DNAH14: variants seen among roughly 807,000 people sequenced by gnomAD.
DNAH14 encodes axonemal beta dynein heavy chain 14.
Under a neutral mutation model 520.9 loss-of-function variants are expected in DNAH14, and 478 were observed. The ratio of observed to expected loss-of-function variants is 0.92; its 90% CI spans 0.85 to 0.99. The LOEUF is 0.99. Ranked by LOEUF, DNAH14 falls within the 50% of genes least tolerant of loss-of-function variation. The probability of loss-of-function intolerance (pLI) is 0.00; values close to 1 mark genes in which losing one functional copy is unlikely to be tolerated. For synonymous variants in DNAH14, 1,581 were observed against 1,757.2 expected (o/e 0.90, Z 2.51); for missense variants, 4,831 against 5,234.5 (o/e 0.92, Z 2.38).
intron 34 of DNAH14, among the ~76,000 whole-genome samples, chr1:225,157,956 G>A (rs73135007): frequency 0.013 from 1,984 of 152,236 alleles, 38 homozygotes; most frequent in African/African-American, 0.045. Context: ...ACAGATAGGA[G>A]GAATTTTTTC....
chr1:225,150,547 G>A (rs1272803941), intron 31 of DNAH14, among the ~76,000 whole-genome samples: 1 of 152,054 alleles, frequency 6.6e-6, no homozygotes, highest in African/African-American at 2.4e-5. Context: ...TTGGTTGGTA[G>A]GCTATTTATT....
At chr1:225,276,579 C>G (rs751162636) in intron 53 of DNAH14, among the ~76,000 whole-genome samples, 16 of 152,094 alleles carry the variant, frequency 1.1e-4, no homozygotes, top group Admixed American at 1.3e-4. Flanking sequence ...TACCACTTAT[C>G]CTACTTGCCA....
chr1:225,118,185 A>G (rs2077015430), intron 25 of DNAH14, 186 bp downstream of exon 25: 6 of 620,558 alleles, frequency 9.7e-6, no homozygotes, highest in Non-Finnish European at 1.7e-5. Context: ...CTTTGCTCTA[A>G]TTAAAAGTTG....
chr1:225,100,939 G>C, intron 23 of DNAH14, 55 bp downstream of exon 23: 1 of 1,350,606 alleles, frequency 7.4e-7, no homozygotes, highest in African/African-American at 1.5e-5. Context: ...TAAAGTAAAA[G>C]TGATATAATG....
chr1:225,067,559 C>T (rs2071045966), intron 17 of DNAH14, among the ~76,000 whole-genome samples: 1 of 152,084 alleles, frequency 6.6e-6, no homozygotes, highest in South Asian at 2.1e-4. Flanking sequence ...TCTACAATGG[C>T]TGAACTAATT....
intron 36 of DNAH14, among the ~76,000 whole-genome samples, chr1:225,169,904 G>C (rs957863366): frequency 2.6e-5 from 4 of 152,214 alleles, no homozygotes; most frequent in African/African-American, 7.2e-5. Flanking sequence ...AAGCCCATCA[G>C]ACTAACAGCA....
intron 77 of DNAH14, among the ~76,000 whole-genome samples, chr1:225,369,416 T>C (rs2095590714): frequency 6.6e-6 from 1 of 151,906 alleles, no homozygotes; most frequent in African/African-American, 2.4e-5. Context: ...AATGGCAATA[T>C]TAATATTAGT....
rs1432221383 is a variant in DNAH14, at chr1:225,273,047, T to C, written c.7932T>C (p.Phe2644=). 1.3e-6 allele frequency: 2 copies of C among 1,551,674 alleles called. No homozygotes were observed. Residue 2644 remains phenylalanine, a synonymous_variant, in exon 52 of 86, where the codon TTT becomes TTC. Coordinates refer to ENST00000682510, the MANE Select transcript of DNAH14 (RefSeq NM_001367479.1). ...LLFVHEATRV[F]HDRLIDFTDK... Reference sequence around the variant, plus strand: ...TTGTTCATGAAGCCACCCGAGTATTTCACGATCGCTTAATTGATTTCACTG... The same window carrying C: ...TTGTTCATGAAGCCACCCGAGTATTCCACGATCGCTTAATTGATTTCACTG...
At chr1:225,069,392 T>A (rs2071284051) in intron 17 of DNAH14, among the ~76,000 whole-genome samples, 1 of 152,214 alleles carries the variant, frequency 6.6e-6, no homozygotes, top group Admixed American at 6.5e-5. Flanking sequence ...CAATACCTAA[T>A]TTATTGAGAG....
At chr1:224,931,604 T>C (rs939618922) in intron 1 of DNAH14, among the ~76,000 whole-genome samples, 5 of 152,202 alleles carry the variant, frequency 3.3e-5, no homozygotes, top group African/African-American at 1.2e-4. Flanking sequence ...TCTCAGTCCG[T>C]GTTATCTATT....
intron 25 of DNAH14, 93 bp downstream of exon 25, chr1:225,118,092 T>G: frequency 5.5e-5 from 50 of 908,508 alleles, no homozygotes; most frequent in Non-Finnish European, 7.7e-5. Context: ...AAAAGTGCGC[T>G]AAGCAAACTG....
intron 26 of DNAH14, among the ~76,000 whole-genome samples, chr1:225,120,892 T>C (rs566867685): frequency 3.7e-4 from 56 of 152,328 alleles, no homozygotes; most frequent in African/African-American, 1.3e-3. Flanking sequence ...GTCCTATCTC[T>C]TCCTTTGCAA....
intron 11 of DNAH14, among the ~76,000 whole-genome samples, chr1:225,036,963 A>G (rs748950253): frequency 1.3e-5 from 2 of 152,180 alleles, no homozygotes; most frequent in Non-Finnish European, 2.9e-5. Flanking sequence ...TGACCACTTT[A>G]TCATTATATA....
In DNAH14 at chr1:224,964,620, A is replaced by G. The variant is rs368691646; in HGVS notation, c.498+11A>G. The G allele has an allele frequency of 3.3e-5, 50 of 1,514,452 alleles. No individual in the cohort carries two copies. The African/African-American group carries it at 6.5e-4, about 20-fold the overall frequency. 93.8% of individuals were successfully genotyped at this position (1,514,452 alleles called of 1,614,324 possible). ...AAGATTACTTTAAAGGTATTGTTCT[A>G]TTTTATTTAATTTTGATCTTTAAAA... On this transcript the variant is annotated intron_variant, in intron 5 of 85. Transcript: ENST00000682510.
Position 225,337,348 on chromosome 1 carries a change from G to T in DNAH14, c.10163G>T (p.Trp3388Leu). The change falls in exon 67 of 86, where the codon TGG becomes TTG. Residue 3388 changes from tryptophan to leucine, a missense_variant. By Grantham distance (61) the Trp-to-Leu change is moderately conservative (BLOSUM62 -2). Coordinates refer to ENST00000682510, the MANE Select transcript of DNAH14 (RefSeq NM_001367479.1). ...NAILIKNGQQ[W>L]PLLIDPHRQA... The stretch of plus-strand genomic sequence containing the variant: ...ATCTTGATCAAGAATGGCCAGCAGT[G>T]GCCACTGCTGATTGACCCACATAGG... 1 of 1,551,622 alleles carries T rather than the reference G, an allele frequency of 6.4e-7. No individual in the cohort carries two copies. Among genetic ancestry groups the T allele is most frequent in the Non-Finnish European group, 8.7e-7 (1 of 1,146,972 alleles).
chr1:225,307,467 C>T lies in DNAH14; in HGVS notation c.9012C>T (p.Arg3004=), dbSNP rs2094270463. The part of the protein sequence containing the change: ...REEEMQTKRD[R]FHMGLSTILE... ...ATACTTTTTCTTCCTTCAGGGATCG[C>T]TTCCATATGGGTCTATCCACAATCC... The change falls in exon 59 of 86, where the codon CGC becomes CGT. Residue 3004 remains arginine (R), a synonymous_variant. Transcript: ENST00000682510. The T allele has an allele frequency of 6.5e-7, 1 of 1,536,160 alleles. No homozygotes were observed.
In DNAH14 at chr1:225,043,034, A is replaced by G; in HGVS notation, c.1688A>G (p.Lys563Arg). The G allele has an allele frequency of 6.4e-7, 1 of 1,551,774 alleles. No individual in the cohort carries two copies. Among genetic ancestry groups the G allele is most frequent in the South Asian group, 1.2e-5 (1 of 84,062 alleles). ...TCAGAAAATAAAGACAATTGTGTCA[A>G]AAAACACTCAAGTGAAGAATTGCTC... ...EMSENKDNCVKKHSSEELLPK... is the reference protein window; with the variant it reads ...EMSENKDNCVRKHSSEELLPK... The change falls in exon 13 of 86, where the codon AAA (lysine) becomes AGA (arginine). Residue 563 changes from lysine (K) to arginine (R), a missense_variant. Coordinates refer to ENST00000682510, the MANE Select transcript of DNAH14 (RefSeq NM_001367479.1).
In DNAH14 at chr1:225,333,290, G is replaced by A. The variant is rs1316048359; in HGVS notation, c.9865-1G>A. 19 of 1,548,200 alleles carry A rather than the reference G, an allele frequency of 1.2e-5. No homozygotes were observed. The highest frequency in any genetic ancestry group is 3.3e-4 in the Middle Eastern group (2 of 5,986). ...TAACTCATTTCTATTTTAACATTTAGACTCGATGGCAAGAAACAATCAATC... is the reference window on the plus strand; with the variant it reads ...TAACTCATTTCTATTTTAACATTTAAACTCGATGGCAAGAAACAATCAATC... On this transcript the variant is annotated splice_acceptor_variant, in intron 65 of 85. Coordinates refer to ENST00000682510, the MANE Select transcript of DNAH14 (RefSeq NM_001367479.1). LOFTEE classifies it high-confidence loss of function.
rs1445686378 is a variant in DNAH14 at position 225,290,643 on chromosome 1, GTGTGTATA to G, written c.8469+563_8469+570del. On this transcript the variant is annotated intron_variant, in intron 55 of 85. Coordinates refer to ENST00000682510, the MANE Select transcript of DNAH14 (RefSeq NM_001367479.1). ...TGTGTATAGATATATGTGTGTGTGT[GTGTGTATA>G]TATATATATATATATATATATATAT... 6.9e-3 allele frequency among the ~76,000 whole-genome samples: 350 copies of G among 51,026 alleles called. 2 individuals are homozygous for G. Among genetic ancestry groups the G allele is most frequent in the South Asian group, 0.017 (20 of 1,202 alleles). The allele number at this position is 51,026 out of a possible 152,430, so 33.5% of individuals were successfully genotyped here.
Sources: gnomAD v4.1 joint callset for allele counts (sites outside exome capture counted in the v4.1 genomes callset) on GRCh38, gnomAD v4.1.1 for gene constraint, MANE v1.5 for transcripts, NCBI Gene and HGNC (gene_info 2026-07-23, HGNC 2026-07-21) for gene names.